Variants in OTUD7A observed in about 807,000 individuals in gnomAD.
OTUD7A encodes OTU deubiquitinase 7A.
Under a neutral mutation model 65.7 loss-of-function variants are expected in OTUD7A, and 12 were observed. The ratio of observed to expected loss-of-function variants is 0.18; its 90% CI spans 0.12 to 0.30. The LOEUF is 0.30. Among genes scored for constraint, OTUD7A ranks in the 10% least tolerant of loss-of-function variants. The pLI, the probability that OTUD7A is intolerant of heterozygous loss-of-function variation, is 1.00. For missense variants in OTUD7A, 1,148 were observed against 1,304.8 expected, an observed-to-expected ratio of 0.88 and a Z score of 1.85; for synonymous variants, 641 against 586.3, an observed-to-expected ratio of 1.09 and a Z score of -1.35.
chr15:31,745,085 A>G (rs1894440753), intron 1 of OTUD7A, among the ~76,000 whole-genome samples: 1 of 152,166 alleles, frequency 6.6e-6, no homozygotes, highest in African/African-American at 2.4e-5. Flanking sequence ...TATTACATTC[A>G]TAGATTCAAA....
intron 3 of OTUD7A, among the ~76,000 whole-genome samples, chr15:31,647,928 G>C (rs1329222216): frequency 6.6e-6 from 1 of 151,800 alleles, no homozygotes; most frequent in Non-Finnish European, 1.5e-5. Flanking sequence ...GAAGCACAGA[G>C]GTGGGTGTCA....
rs572011921 is a variant in OTUD7A at position 31,850,598 on chromosome 15, T to TA, written c.-100+19908_-100+19909insT. ...ATAAAGAAAGAAAAAGAAATAGGCC[T>TA]GCAGGCTCTCTGGTTTGTGGCTGGC... is the stretch of plus-strand genomic sequence containing the variant. On this transcript the variant is annotated intron_variant, in intron 1 of 12. Transcript: ENST00000307050. Among the ~76,000 whole-genome samples the TA allele has an allele frequency of 7.2e-4, 110 of 152,042 alleles. 1 individual carries two copies. In the East Asian group the frequency reaches 0.02, roughly 27 times the overall value.
chr15:31,538,964 T>A (rs1887895522), intron 5 of OTUD7A, among the ~76,000 whole-genome samples: 1 of 152,162 alleles, frequency 6.6e-6, no homozygotes, highest in South Asian at 2.1e-4. Flanking sequence ...ATTCAAATCT[T>A]CAGATAAATG....
At chr15:31,846,723 G>A (rs192106030) in intron 1 of OTUD7A, among the ~76,000 whole-genome samples, 150 of 152,230 alleles carry the variant, frequency 9.9e-4, no homozygotes, top group African/African-American at 3.1e-3. Context: ...TTTATAACAC[G>A]GAAAAGGCTC....
At chr15:31,623,191 C>A (rs1890849643) in intron 3 of OTUD7A, among the ~76,000 whole-genome samples, 1 of 152,238 alleles carries the variant, frequency 6.6e-6, no homozygotes, top group Non-Finnish European at 1.5e-5. Flanking sequence ...GGGTGCCTTC[C>A]AGTTAGGCTA....
intron 1 of OTUD7A, among the ~76,000 whole-genome samples, chr15:31,676,357 C>T (rs1285748331): frequency 3.9e-5 from 6 of 152,080 alleles, no homozygotes; most frequent in African/African-American, 1.4e-4. Flanking sequence ...AATACATGGG[C>T]TGATGATTGG....
At chr15:31,834,561 A>G (rs1897009764) in intron 1 of OTUD7A, among the ~76,000 whole-genome samples, 1 of 152,206 alleles carries the variant, frequency 6.6e-6, no homozygotes, top group Non-Finnish European at 1.5e-5. Flanking sequence ...TTCAGATGTA[A>G]TTTGTAAAAT....
chr15:31,663,284 A>C lies in OTUD7A; in HGVS notation c.-99-6207T>G, dbSNP rs879415516. Among the ~76,000 whole-genome samples, 195 of 97,012 alleles carry C rather than the reference A, an allele frequency of 2.0e-3. 2 individuals are homozygous for C. Among genetic ancestry groups the C allele is most frequent in the Admixed American group, 0.015 (147 of 9,976 alleles). 63.6% of individuals were successfully genotyped at this position (97,012 alleles called of 152,430 possible). On this transcript the variant is annotated intron_variant, in intron 1 of 12. Transcript: ENST00000307050. ...ACACACACACACACACACACACACA[A>C]GTTTTTAAAAATTTAAAGTTCCAGG... is the stretch of plus-strand genomic sequence containing the variant.
chr15:31,618,475 C>G (rs1890665970), intron 3 of OTUD7A, among the ~76,000 whole-genome samples: 3 of 152,162 alleles, frequency 2.0e-5, no homozygotes, highest in African/African-American at 7.2e-5. Context: ...GCCATTCTAA[C>G]TGGTGTGAGA....
At chr15:31,646,477 T>C (rs1162899126) in intron 3 of OTUD7A, among the ~76,000 whole-genome samples, 2 of 151,520 alleles carry the variant, frequency 1.3e-5, no homozygotes, top group South Asian at 2.1e-4. Flanking sequence ...TTTTTTTTTT[T>C]TGAGACAGAG....
At chr15:31,596,611 T>C (rs1566936526) in intron 3 of OTUD7A, among the ~76,000 whole-genome samples, 1 of 152,192 alleles carries the variant, frequency 6.6e-6, no homozygotes, top group Admixed American at 6.5e-5. Context: ...CATTGGAAAG[T>C]TCTATTTTTC....
At chr15:31,784,862 T>C (rs1478448243) in intron 1 of OTUD7A, among the ~76,000 whole-genome samples, 1 of 152,152 alleles carries the variant, frequency 6.6e-6, no homozygotes, top group Non-Finnish European at 1.5e-5. Context: ...AGGTAGATGA[T>C]TCTCCTGAGT....
At chr15:31,491,974 C>T (rs953628061) in intron 10 of OTUD7A, among the ~76,000 whole-genome samples, 1 of 152,050 alleles carries the variant, frequency 6.6e-6, no homozygotes, top group Non-Finnish European at 1.5e-5. Flanking sequence ...GTGAGCAAAT[C>T]ATTGCCAGCA....
In OTUD7A at chr15:31,861,108, C is replaced by T. The variant is rs77448238; in HGVS notation, c.-100+9399G>A. Among the ~76,000 whole-genome samples, 143 of 152,162 alleles carry T rather than the reference C, an allele frequency of 9.4e-4. 2 individuals carry two copies. The East Asian group carries it at 0.025, about 27-fold the overall frequency. On this transcript the variant is annotated intron_variant, in intron 1 of 12. Coordinates refer to ENST00000307050, the MANE Select transcript of OTUD7A (RefSeq NM_001382637.1). ...GCTTCCCTTCCCCTTGATCACTCAG[C>T]ACTTTGGGAGAACTAGGGAACTAAT... is the stretch of plus-strand genomic sequence containing the variant.
chr15:31,485,491 G>A (rs777808463), intron 12 of OTUD7A, among the ~76,000 whole-genome samples: 5 of 152,102 alleles, frequency 3.3e-5, no homozygotes, highest in Non-Finnish European at 5.9e-5. Context: ...GTGGGGTGAC[G>A]CTGGGGAGCA....
intron 1 of OTUD7A, among the ~76,000 whole-genome samples, chr15:31,780,786 A>T (rs1260177074): frequency 1.3e-5 from 2 of 152,212 alleles, no homozygotes; most frequent in Non-Finnish European, 2.9e-5. Context: ...GTACATCTCT[A>T]TAGAAAAGAG....
Position 31,869,253 on chromosome 15 carries a change from G to A in OTUD7A, c.-100+1254C>T, listed in dbSNP as rs1897959805. Among the ~76,000 whole-genome samples, 2 of 152,198 alleles carry A rather than the reference G, an allele frequency of 1.3e-5. 1 individual carries two copies. Among genetic ancestry groups the A allele is most frequent in the South Asian group, 4.1e-4 (2 of 4,832 alleles). On this transcript the variant is annotated intron_variant, in intron 1 of 12. Transcript: ENST00000307050. ...TTCTCGTGAACCCTCTTTGGGTCTT[G>A]AAGAGGCCTTTGAAGCTGGTGGGAC... is the stretch of plus-strand genomic sequence containing the variant.
chr15:31,765,902 T>C, intron 1 of OTUD7A: 1 of 1,278,916 alleles, frequency 7.8e-7, no homozygotes, highest in Non-Finnish European at 1.1e-6. Context: ...GTTTTTTTCT[T>C]TTCTCCTTTA....
intron 1 of OTUD7A, among the ~76,000 whole-genome samples, chr15:31,664,101 T>C (rs1892250812): frequency 6.6e-6 from 1 of 152,228 alleles, no homozygotes; most frequent in Non-Finnish European, 1.5e-5. Context: ...GTCCCATGAT[T>C]TTGCAATTGT....
Sources: gnomAD v4.1 joint callset for allele counts (sites outside exome capture counted in the v4.1 genomes callset) on GRCh38, gnomAD v4.1.1 for gene constraint, MANE v1.5 for transcripts, NCBI Gene and HGNC (gene_info 2026-07-23, HGNC 2026-07-21) for gene names.